UST: variants seen among roughly 807,000 people sequenced by gnomAD.
UST encodes chondroitin sulfate 2-O-sulfotransferase.
Under a neutral mutation model 45.6 loss-of-function variants are expected in UST, and 21 were observed. The observed-to-expected ratio is 0.46, with a 90% CI of 0.33 to 0.66. The LOEUF (loss-of-function observed/expected upper bound fraction) is 0.66, where lower values mean the gene tolerates loss of function less well. Ranked by LOEUF, UST falls within the 30% of genes least tolerant of loss-of-function variation. The pLI is 0.02. For synonymous variants in UST, 215 were observed against 200.6 expected (o/e 1.07, Z -0.61); for missense variants, 463 against 512.4 (o/e 0.90, Z 0.93).
chr6:149,074,137 G>T lies in UST; in HGVS notation c.*21G>T. The T allele has an allele frequency of 6.2e-7, 1 of 1,605,792 alleles. No homozygotes were observed. The highest frequency in any genetic ancestry group is 8.5e-7 in the Non-Finnish European group (1 of 1,174,018). On this transcript the variant is annotated 3_prime_UTR_variant, in exon 8 of 8. Coordinates refer to ENST00000367463, the MANE Select transcript of UST (RefSeq NM_005715.3). ...GGTGATGTGACTGTGTTGCCTCTAT[G>T]GCTTTATCTCCCTTTTCCAGAAAGT...
chr6:148,943,399 T>A (rs1054613662), intron 3 of UST, among the ~76,000 whole-genome samples: 2 of 152,210 alleles, frequency 1.3e-5, no homozygotes, highest in African/African-American at 2.4e-5. Flanking sequence ...AGTATTTAAA[T>A]GTGCCTTGGG....
chr6:148,983,371 C>T (rs1396115600), intron 5 of UST, among the ~76,000 whole-genome samples: 1 of 152,056 alleles, frequency 6.6e-6, no homozygotes, highest in Non-Finnish European at 1.5e-5. Flanking sequence ...GGAATGAAAA[C>T]AATCAGAAGC....
At chr6:148,967,808 A>C (rs1012461584) in intron 5 of UST, among the ~76,000 whole-genome samples, 1 of 152,190 alleles carries the variant, frequency 6.6e-6, no homozygotes, top group Non-Finnish European at 1.5e-5. Context: ...CCATTGCCAA[A>C]ATTCGGGCAG....
chr6:148,874,968 G>A (rs773048986), intron 1 of UST, among the ~76,000 whole-genome samples: 6 of 152,198 alleles, frequency 3.9e-5, no homozygotes, highest in East Asian at 1.9e-4. Flanking sequence ...CTGGACTCCC[G>A]GGGCGACATG....
chr6:148,771,283 T>C (rs1776419460), intron 1 of UST, among the ~76,000 whole-genome samples: 2 of 152,250 alleles, frequency 1.3e-5, no homozygotes, highest in African/African-American at 4.8e-5. Context: ...TTATTTTCTT[T>C]GTGCCATTAT....
intron 7 of UST, among the ~76,000 whole-genome samples, chr6:149,037,418 G>A (rs1776253482): frequency 6.6e-6 from 1 of 152,242 alleles, no homozygotes; most frequent in African/African-American, 2.4e-5. Flanking sequence ...AGACTGAAGG[G>A]AAAGTCAATC....
chr6:148,999,653 C>T (rs1258411775), intron 5 of UST, among the ~76,000 whole-genome samples: 1 of 139,346 alleles, frequency 7.2e-6, no homozygotes, highest in Non-Finnish European at 1.7e-5. Context: ...TACCCTCTGA[C>T]ATATAGAGCA....
intron 7 of UST, among the ~76,000 whole-genome samples, chr6:149,051,204 G>T (rs1288790907): frequency 1.3e-5 from 2 of 152,200 alleles, no homozygotes; most frequent in East Asian, 3.8e-4. Flanking sequence ...GCCAAGAAAA[G>T]TCTCATTTAA....
At chr6:148,927,960 A>G (rs963987211) in intron 2 of UST, among the ~76,000 whole-genome samples, 1 of 152,198 alleles carries the variant, frequency 6.6e-6, no homozygotes, top group Non-Finnish European at 1.5e-5. Context: ...CAGCCCTTTG[A>G]TAGACATAAG....
chr6:148,801,009 C>T (rs1473651541), intron 1 of UST, among the ~76,000 whole-genome samples: 2 of 152,130 alleles, frequency 1.3e-5, no homozygotes, highest in East Asian at 3.9e-4. Flanking sequence ...ACTTTTTTGA[C>T]AAGCTGAATA....
At chr6:148,833,789 A>G (rs116247350) in intron 1 of UST, among the ~76,000 whole-genome samples, 206 of 152,330 alleles carry the variant, frequency 1.4e-3, no homozygotes, top group African/African-American at 4.8e-3. Flanking sequence ...ATGAATCTCA[A>G]TATTATTTTT....
chr6:148,797,632 T>C (rs1007539895), intron 1 of UST, among the ~76,000 whole-genome samples: 1 of 152,170 alleles, frequency 6.6e-6, no homozygotes, highest in Non-Finnish European at 1.5e-5. Context: ...ATGGAAAATG[T>C]ATCCTTCGAA....
intron 1 of UST, among the ~76,000 whole-genome samples, chr6:148,883,516 T>C (rs1437138992): frequency 6.6e-6 from 1 of 152,190 alleles, no homozygotes; most frequent in African/African-American, 2.4e-5. Context: ...TGAGGTTGAA[T>C]AGAAATGACA....
chr6:149,049,204 A>G (rs927552001), intron 7 of UST, among the ~76,000 whole-genome samples: 1 of 152,244 alleles, frequency 6.6e-6, no homozygotes, highest in African/African-American at 2.4e-5. Context: ...CATAAAAACT[A>G]TTATAAGGAT....
intron 2 of UST, among the ~76,000 whole-genome samples, chr6:148,891,687 C>G (rs1041095650): frequency 6.6e-6 from 1 of 152,202 alleles, no homozygotes; most frequent in Admixed American, 6.5e-5. Flanking sequence ...CAATAATTTT[C>G]TACCTTATTT....
In UST at chr6:148,747,264, G is replaced by A. The variant is rs1419077495; in HGVS notation, c.-167G>A. On this transcript the variant is annotated 5_prime_UTR_variant, in exon 1 of 8. Coordinates refer to ENST00000367463, the MANE Select transcript of UST (RefSeq NM_005715.3). ...GGGCCGCGGCGGCGGGGACCATGCC[G>A]AAGAAAGTCTCCTGAGCCCGGCAAC... The A allele has an allele frequency of 3.9e-5, 30 of 777,744 alleles. No homozygotes were observed. The Admixed American group carries it at 1.1e-3, about 29-fold the overall frequency. 48.2% of individuals were successfully genotyped at this position (777,744 alleles called of 1,614,324 possible).
intron 2 of UST, among the ~76,000 whole-genome samples, chr6:148,911,193 G>A (rs545187106): frequency 2.8e-4 from 42 of 152,234 alleles, no homozygotes; most frequent in Admixed American, 2.0e-4. Flanking sequence ...CCCCAGGATC[G>A]TGTGTCTGAG....
chr6:149,048,041 T>G (rs1341526603), intron 7 of UST, among the ~76,000 whole-genome samples: 1 of 152,058 alleles, frequency 6.6e-6, no homozygotes, highest in Non-Finnish European at 1.5e-5. Context: ...TAAATAAAGG[T>G]GTAAATTAGT....
intron 2 of UST, among the ~76,000 whole-genome samples, chr6:148,916,898 CAG>C (rs1444872903): frequency 6.6e-6 from 1 of 152,244 alleles, no homozygotes; most frequent in Non-Finnish European, 1.5e-5. Context: ...TGGACTAACA[CAG>C]AGGCAATTTC....
Sources: gnomAD v4.1 joint callset for allele counts (sites outside exome capture counted in the v4.1 genomes callset) on GRCh38, gnomAD v4.1.1 for gene constraint, MANE v1.5 for transcripts, NCBI Gene and HGNC (gene_info 2026-07-23, HGNC 2026-07-21) for gene names.